ASPRV1: variants seen among roughly 807,000 people sequenced by gnomAD.
The protein encoded by ASPRV1 is retroviral-like aspartic protease 1.
Under a neutral mutation model 11.0 loss-of-function variants are expected in ASPRV1, and 7 were observed. The observed-to-expected ratio is 0.64, with a 90% CI of 0.36 to 1.20. The LOEUF (loss-of-function observed/expected upper bound fraction) is 1.20. ASPRV1 is among the 50% of genes most tolerant of loss of function. The pLI is 0.02. For missense variants in ASPRV1, 299 were observed against 320.0 expected (o/e 0.93, Z 0.50); for synonymous variants, 136 against 138.4 (o/e 0.98, Z 0.12).
chr2:69,980,415 T>C, the ASPRV1 span, among the ~76,000 whole-genome samples: 6 of 152,252 alleles, frequency 3.9e-5, no homozygotes, highest in Admixed American at 3.3e-4. Context: ...TTCCCTGCAA[T>C]GCTATTTGTG....
chr2:69,987,677 G>A, the ASPRV1 span, among the ~76,000 whole-genome samples: 1 of 152,008 alleles, frequency 6.6e-6, no homozygotes, highest in African/African-American at 2.4e-5. Flanking sequence ...TTGAGCCCAT[G>A]AGTTCGAGGC....
the ASPRV1 span, among the ~76,000 whole-genome samples, chr2:69,944,228 AG>A: frequency 6.6e-6 from 1 of 152,134 alleles, no homozygotes. Context: ...GTAGATAATT[AG>A]AAAGACAGCT....
At position 69,961,296 on chromosome 2, in the gene ASPRV1, A is replaced by G. The variant is rs759230380; in HGVS notation, c.141T>C (p.His47=). Residue 47 remains histidine, a synonymous_variant, in exon 1 of 1, where the codon CAT becomes CAC. Coordinates refer to ENST00000320256, the MANE Select transcript of ASPRV1 (RefSeq NM_152792.4). ...CTTTCAGGAACCTTAGCTTGGTGAT[A>G]TGGTCCCAATGGTTGAGGTCATTGA... The part of the protein sequence containing the change: ...EVINDLNHWD[H]ITKLRFLKES... 2.5e-6 allele frequency: 4 copies of G among 1,613,970 alleles called. No individual in the cohort carries two copies. In the African/African-American group the frequency reaches 4.0e-5, roughly 16 times the overall value.
At chr2:69,969,248 C>T in the ASPRV1 span, among the ~76,000 whole-genome samples, 1 of 152,178 alleles carries the variant, frequency 6.6e-6, no homozygotes, top group Non-Finnish European at 1.5e-5. Context: ...CTAATTTGCA[C>T]ACGGTGTGGC....
At chr2:70,030,703 G>A in the ASPRV1 span, 1 of 152,112 alleles carries the variant, frequency 6.6e-6, no homozygotes, top group African/African-American at 2.4e-5. Flanking sequence ...ATCTAATTGA[G>A]ACAAAATTCT....
At chr2:69,979,426 TG>T in the ASPRV1 span, among the ~76,000 whole-genome samples, 1 of 152,110 alleles carries the variant, frequency 6.6e-6, no homozygotes, top group Non-Finnish European at 1.5e-5. Flanking sequence ...TTGTAGTCTC[TG>T]AGGGAAGAGT....
chr2:70,066,450 G>A, the ASPRV1 span, among the ~76,000 whole-genome samples: 946 of 151,930 alleles, frequency 6.2e-3, 9 homozygotes, highest in African/African-American at 0.022. Flanking sequence ...TGTTGGCCAG[G>A]CTGGTCTCGA....
upstream of ASPRV1, among the ~76,000 whole-genome samples, chr2:69,964,934 G>A (rs189910935): frequency 6.6e-6 from 1 of 152,282 alleles, no homozygotes; most frequent in East Asian, 1.9e-4. Context: ...GGCCAGTTGG[G>A]CAAATCAAGA....
chr2:69,982,548 G>A, the ASPRV1 span, among the ~76,000 whole-genome samples: 2 of 152,198 alleles, frequency 1.3e-5, no homozygotes, highest in African/African-American at 2.4e-5. Context: ...TGAAAGGGGA[G>A]GAGGCACAGG....
chr2:70,007,936 T>C, the ASPRV1 span, among the ~76,000 whole-genome samples: 1 of 152,038 alleles, frequency 6.6e-6, no homozygotes, highest in Admixed American at 6.6e-5. Context: ...CCTGGGTTCA[T>C]GCAATTCTCG....
At chr2:70,078,836 G>A in the ASPRV1 span, among the ~76,000 whole-genome samples, 1 of 152,172 alleles carries the variant, frequency 6.6e-6, no homozygotes, top group Admixed American at 6.5e-5. Context: ...ATACTTAAAA[G>A]GATTATTCTG....
Position 69,961,509 on chromosome 2 carries a change from A to G in ASPRV1, c.-73T>C. On this transcript the variant is annotated 5_prime_UTR_variant, in exon 1 of 1. Transcript: ENST00000320256. The stretch of plus-strand genomic sequence containing the variant: ...GAAACCCACAGAGCAGTGTCGGCGC[A>G]ATCACGCTGGAAAACGGGGCCTCTC... The G allele has an allele frequency of 6.2e-7, 1 of 1,614,086 alleles. No individual in the cohort carries two copies.
the ASPRV1 span, among the ~76,000 whole-genome samples, chr2:70,016,772 A>AG: frequency 6.6e-6 from 1 of 151,930 alleles, no homozygotes; most frequent in South Asian, 2.1e-4. Flanking sequence ...TGAACCTACG[A>AG]GGCAGAGGTT....
chr2:70,031,314 A>G, the ASPRV1 span: 1 of 152,218 alleles, frequency 6.6e-6, no homozygotes, highest in Admixed American at 6.5e-5. Context: ...GGAGAACTAT[A>G]TAAAATTTAT....
chr2:70,078,710 T>G, the ASPRV1 span, among the ~76,000 whole-genome samples: 2 of 152,162 alleles, frequency 1.3e-5, no homozygotes, highest in African/African-American at 4.8e-5. Flanking sequence ...GAGAGTGGTG[T>G]GAATCCTACA....
At chr2:70,019,990 A>G in the ASPRV1 span, among the ~76,000 whole-genome samples, 167 of 151,296 alleles carry the variant, frequency 1.1e-3, no homozygotes, top group East Asian at 5.2e-3. Context: ...ATGTGTGTGT[A>G]TATATATATA....
At chr2:69,973,956 G>C in the ASPRV1 span, among the ~76,000 whole-genome samples, 2 of 152,012 alleles carry the variant, frequency 1.3e-5, no homozygotes, top group African/African-American at 4.8e-5. Flanking sequence ...ATGCAGACTT[G>C]GGGAAAAAGC....
the ASPRV1 span, among the ~76,000 whole-genome samples, chr2:70,022,750 G>A: frequency 6.6e-6 from 1 of 151,996 alleles, no homozygotes; most frequent in Non-Finnish European, 1.5e-5. Flanking sequence ...TTTTGGTTGT[G>A]GAGATGGTCT....
the ASPRV1 span, chr2:69,938,473 C>G: frequency 1.7e-6 from 1 of 582,852 alleles, no homozygotes. Flanking sequence ...ACTAGCTTCT[C>G]TTTTTCTCGC....
Sources: allele counts gnomAD v4.1 joint callset (sites outside exome capture counted in the v4.1 genomes callset), GRCh38; gene constraint gnomAD v4.1.1; transcripts MANE v1.5; gene names NCBI Gene and HGNC (gene_info 2026-07-23, HGNC 2026-07-21).